TP63: variants seen among roughly 807,000 people sequenced by gnomAD.
TP63 encodes the protein tumor protein p63, also known as tumor protein 63.
TP63 carries 17 observed loss-of-function variants against 82.8 expected under a neutral mutation model. That is an observed-to-expected ratio of 0.21 (90% CI 0.14 to 0.31). TP63 has a LOEUF of 0.31. Among genes scored for constraint, TP63 ranks in the 10% least tolerant of loss-of-function variants. The probability of loss-of-function intolerance (pLI) is 1.00; values close to 1 mark genes in which losing one functional copy is unlikely to be tolerated. For missense variants in TP63, 648 were observed against 895.3 expected (o/e 0.72, Z 3.52); for synonymous variants, 330 against 321.7 (o/e 1.03, Z -0.28).
chr3:189,702,071 T>C (rs1717855851), intron 1 of TP63, among the ~76,000 whole-genome samples: 1 of 152,130 alleles, frequency 6.6e-6, no homozygotes, highest in Non-Finnish European at 1.5e-5. Flanking sequence ...AGAGAATTCT[T>C]AACACTAGCC....
chr3:189,625,576 T>C, the TP63 span, among the ~76,000 whole-genome samples: 1 of 152,212 alleles, frequency 6.6e-6, no homozygotes, highest in African/African-American at 2.4e-5. Flanking sequence ...TTTATGGATA[T>C]AATTTTTTAA....
intron 3 of TP63, among the ~76,000 whole-genome samples, chr3:189,774,436 G>C (rs1260279409): frequency 6.6e-6 from 1 of 152,144 alleles, no homozygotes; most frequent in African/African-American, 2.4e-5. Flanking sequence ...AAATACTTTT[G>C]TGAGCTGAGA....
chr3:189,788,267 T>G (rs1293120693), intron 3 of TP63, among the ~76,000 whole-genome samples: 2 of 152,018 alleles, frequency 1.3e-5, no homozygotes, highest in South Asian at 2.1e-4. Flanking sequence ...AGTTTTTTGG[T>G]TTTTGTGTAT....
intron 1 of TP63, among the ~76,000 whole-genome samples, chr3:189,714,287 A>T (rs1160692550): frequency 3.9e-5 from 6 of 152,202 alleles, no homozygotes; most frequent in African/African-American, 1.4e-4. Flanking sequence ...TGGGAAAGTG[A>T]TCATGTTCCC....
intron 3 of TP63, among the ~76,000 whole-genome samples, chr3:189,788,370 A>G (rs916220616): frequency 6.6e-6 from 1 of 152,042 alleles, no homozygotes; most frequent in African/African-American, 2.4e-5. Flanking sequence ...TTATGGATGC[A>G]AAAGTAGAAG....
chr3:189,700,560 G>A (rs1365091641), intron 1 of TP63, among the ~76,000 whole-genome samples: 3 of 152,164 alleles, frequency 2.0e-5, no homozygotes, highest in Non-Finnish European at 4.4e-5. Flanking sequence ...GAGGTAGGTA[G>A]GTAGATGGGT....
intron 1 of TP63, among the ~76,000 whole-genome samples, chr3:189,679,213 C>T (rs1434007012): frequency 6.6e-6 from 1 of 151,964 alleles, no homozygotes; most frequent in Non-Finnish European, 1.5e-5. Context: ...AACTTTTATA[C>T]TGGTTTTCAT....
chr3:189,788,186 C>T (rs2108588614), intron 3 of TP63, among the ~76,000 whole-genome samples: 1 of 150,532 alleles, frequency 6.6e-6, no homozygotes, highest in East Asian at 2.0e-4. Context: ...AATGTTTTGT[C>T]TGATATAAAT....
intron 1 of TP63, among the ~76,000 whole-genome samples, chr3:189,661,114 T>C (rs764708814): frequency 3.3e-5 from 5 of 152,048 alleles, no homozygotes; most frequent in Non-Finnish European, 5.9e-5. Flanking sequence ...TTAGGTTGAA[T>C]AGAAGTAGTG....
chr3:189,791,277 A>G (rs1444590859), intron 3 of TP63, among the ~76,000 whole-genome samples: 1 of 152,116 alleles, frequency 6.6e-6, no homozygotes. Context: ...TGTAAGTCAA[A>G]TGGGAGAAGC....
intron 3 of TP63, among the ~76,000 whole-genome samples, chr3:189,791,539 A>G (rs1170821272): frequency 6.6e-6 from 1 of 152,110 alleles, no homozygotes; most frequent in Non-Finnish European, 1.5e-5. Flanking sequence ...CTAGGTAAAT[A>G]TGTAATCAAG....
At chr3:189,771,462 A>T (rs981035574) in intron 3 of TP63, among the ~76,000 whole-genome samples, 2 of 142,472 alleles carry the variant, frequency 1.4e-5, no homozygotes, top group Non-Finnish European at 3.0e-5. Context: ...TATTAAATAT[A>T]TAATATTTAA....
At position 189,734,275 on chromosome 3, in the gene TP63, G is replaced by A. The variant is rs540637831; in HGVS notation, c.63-3465G>A. Among the ~76,000 whole-genome samples, 20 of 149,192 alleles carry A rather than the reference G, an allele frequency of 1.3e-4. No homozygotes were observed. The South Asian group carries it at 2.8e-3, about 21-fold the overall frequency. On this transcript the variant is annotated intron_variant, in intron 1 of 13. Coordinates refer to ENST00000264731, the MANE Select transcript of TP63 (RefSeq NM_003722.5). ...CCACCTCTGCCTCTTGGGTTCAAGC[G>A]ATTCTCCTGCCTCAGCCTCTCGAAT...
chr3:189,755,708 T>A (rs1237042054), intron 3 of TP63, among the ~76,000 whole-genome samples: 2 of 152,178 alleles, frequency 1.3e-5, no homozygotes, highest in Non-Finnish European at 2.9e-5. Flanking sequence ...TTTTCATGAA[T>A]CTTGTTTTTT....
chr3:189,741,453 T>G (rs1720981053), intron 3 of TP63, among the ~76,000 whole-genome samples: 1 of 149,542 alleles, frequency 6.7e-6, no homozygotes, highest in Non-Finnish European at 1.5e-5. Context: ...ACAACGGGTG[T>G]GAGAGTCTTT....
intron 1 of TP63, among the ~76,000 whole-genome samples, chr3:189,686,191 C>T (rs915409538): frequency 6.6e-6 from 1 of 152,154 alleles, no homozygotes; most frequent in Non-Finnish European, 1.5e-5. Flanking sequence ...TGTCCAGGTT[C>T]AGGCCTCCAT....
chr3:189,840,356 CGTCTTTTTTTTTTTTT>C (rs1227406605), intron 4 of TP63, among the ~76,000 whole-genome samples: 1 of 26,210 alleles, frequency 3.8e-5, no homozygotes, highest in African/African-American at 1.0e-4. Context: ...TTTTGCTTTT[CGTCTTTTTTTTTTTTT>C]TTTTTTTTTT....
chr3:189,627,159 T>C (rs563391473), upstream of TP63, among the ~76,000 whole-genome samples: 1 of 152,190 alleles, frequency 6.6e-6, no homozygotes, highest in Non-Finnish European at 1.5e-5. Context: ...TTCAGAGTTA[T>C]AGCAGTCTTG....
chr3:189,640,272 T>C (rs13066233), intron 1 of TP63, among the ~76,000 whole-genome samples: 2,345 of 152,216 alleles, frequency 0.015, 42 homozygotes, highest in Non-Finnish European at 0.019. Flanking sequence ...AGGCAATAAA[T>C]GAGACAAAAT....
Sources: allele counts gnomAD v4.1 joint callset (sites outside exome capture counted in the v4.1 genomes callset), GRCh38; gene constraint gnomAD v4.1.1; transcripts MANE v1.5; gene names NCBI Gene and HGNC (gene_info 2026-07-23, HGNC 2026-07-21).